The following L3MBTL2 variants were observed in gnomAD, a reference collection of about 807,000 sequenced individuals.
L3MBTL2 encodes the protein lethal(3)malignant brain tumor-like protein 2.
L3MBTL2 carries 49 observed loss-of-function variants against 86.4 expected under a neutral mutation model. The ratio of observed to expected loss-of-function variants is 0.57; its 90% CI spans 0.45 to 0.72. The LOEUF is 0.72. Among genes scored for constraint, L3MBTL2 ranks in the 30% least tolerant of loss-of-function variants. The pLI is 0.00. For missense variants in L3MBTL2, 755 were observed against 923.7 expected, an observed-to-expected ratio of 0.82 and a Z score of 2.37; for synonymous variants, 336 against 350.6, an observed-to-expected ratio of 0.96 and a Z score of 0.47.
At position 41,227,462 on chromosome 22, in the gene L3MBTL2, C is replaced by T; in HGVS notation, c.1822+139C>T. ...GGACCACTTTAAGTAGAGAGTGAGC[C>T]CCGTCACCCAGCCCCTGCTCCTGAC... On this transcript the variant is annotated intron_variant, in intron 14 of 16. Transcript: ENST00000216237. The surrounding 1 kb of genome is among the most constrained non-coding windows in gnomAD (Gnocchi z 6.0). 1 of 1,191,988 alleles carries T rather than the reference C, an allele frequency of 8.4e-7. No individual in the cohort carries two copies. The highest frequency in any genetic ancestry group is 1.2e-6 in the Non-Finnish European group (1 of 823,120). 73.8% of individuals were successfully genotyped at this position (1,191,988 alleles called of 1,614,324 possible).
At chr22:41,213,867 A>G in intron 2 of L3MBTL2, 26 bp from the exon 3 acceptor site, 1 of 1,613,034 alleles carries the variant, frequency 6.2e-7, no homozygotes, top group Non-Finnish European at 8.5e-7. Flanking sequence ...ATATCGGGTG[A>G]GTCATGTGCT....
At chr22:41,208,524 A>G (rs2030435553) in intron 1 of L3MBTL2, 2 of 279,196 alleles carry the variant, frequency 7.2e-6, no homozygotes, top group South Asian at 2.9e-5. Flanking sequence ...TAGATGAGAA[A>G]GTTGAAGCCC....
At chr22:41,219,349 C>T (rs1186113632) in intron 5 of L3MBTL2, 70 bp from the exon 6 acceptor site, 13 of 1,151,812 alleles carry the variant, frequency 1.1e-5, no homozygotes, top group Non-Finnish European at 1.6e-5. Flanking sequence ...TGACTGAGGC[C>T]GTGAGGCAGT....
In L3MBTL2 at chr22:41,225,109, G is replaced by T; in HGVS notation, c.1356+38G>T. On this transcript the variant is annotated intron_variant, in intron 11 of 16. Coordinates refer to ENST00000216237, the MANE Select transcript of L3MBTL2 (RefSeq NM_031488.5). This position sits in a 1 kb window ranked among gnomAD's most constrained non-coding sequence, Gnocchi z 4.1. The stretch of plus-strand genomic sequence containing the variant: ...CCGGCTCTCCAGCCTCCAGATTTCT[G>T]AGCGGGGGGACCCATGTGGCCCAGA... 1 of 1,550,012 alleles carries T rather than the reference G, an allele frequency of 6.5e-7. No homozygotes were observed.
Position 41,227,512 on chromosome 22 carries a change from C to A in L3MBTL2, c.1822+189C>A. 2 of 1,380,472 alleles carry A rather than the reference C, an allele frequency of 1.4e-6. No homozygotes were observed. The highest frequency in any genetic ancestry group is 2.0e-6 in the Non-Finnish European group (2 of 992,718). 85.5% of individuals were successfully genotyped at this position (1,380,472 alleles called of 1,614,324 possible). A position where few individuals can be genotyped will look rare whatever the true frequency, so the allele number is the denominator to read the frequency against. ...CTTCTCTGTCTCCCTTTCCCTCTGG[C>A]CTGCAGAGCTCCTTCCTTCATCTTG... On this transcript the variant is annotated intron_variant, in intron 14 of 16. Coordinates refer to ENST00000216237, the MANE Select transcript of L3MBTL2 (RefSeq NM_031488.5). The surrounding 1 kb of genome is among the most constrained non-coding windows in gnomAD (Gnocchi z 6.0).
At position 41,225,145 on chromosome 22, in the gene L3MBTL2, C is replaced by G. The variant is rs1050477306; in HGVS notation, c.1356+74C>G. On this transcript the variant is annotated intron_variant, in intron 11 of 16. Coordinates refer to ENST00000216237, the MANE Select transcript of L3MBTL2 (RefSeq NM_031488.5). The surrounding 1 kb of genome is among the most constrained non-coding windows in gnomAD (Gnocchi z 4.1). ...CCCATGTGGCCCAGAGCTCTAACCC[C>G]ACTCGCCACCGTCAGGGGGTCTGTG... The G allele has an allele frequency of 3.4e-6, 4 of 1,173,794 alleles. No homozygotes were observed. In the African/African-American group the frequency reaches 6.1e-5, roughly 18 times the overall value. The allele number at this position is 1,173,794 out of a possible 1,614,324, so 72.7% of individuals were successfully genotyped here.
chr22:41,227,191 C>T lies in L3MBTL2; in HGVS notation c.1690C>T (p.Arg564Trp), dbSNP rs1370183015. The T allele has an allele frequency of 3.1e-6, 5 of 1,613,482 alleles. No individual in the cohort carries two copies. Among genetic ancestry groups the T allele is most frequent in the Non-Finnish European group, 4.2e-6 (5 of 1,179,984 alleles). ...GGCCACGGTGAAACGAGTGGTGCAT[C>T]GGCTCCTCAGCATCCACTTTGACGG... The part of the protein sequence containing the change: ...CVATVKRVVH[R>W]LLSIHFDGWD... The change falls in exon 14 of 17, where the codon CGG becomes TGG. Residue 564 changes from arginine to tryptophan, a missense_variant. By Grantham distance (101) the Arg-to-Trp change is moderately radical. Transcript: ENST00000216237. The surrounding 1 kb of genome is among the most constrained non-coding windows in gnomAD (Gnocchi z 6.0).
chr22:41,219,969 C>G (rs975291879), intron 6 of L3MBTL2, among the ~76,000 whole-genome samples: 9 of 152,144 alleles, frequency 5.9e-5, no homozygotes, highest in Non-Finnish European at 1.0e-4. Context: ...GTCTCAAACT[C>G]CTGACCTCAG....
chr22:41,222,367 C>T (rs1238870355), intron 8 of L3MBTL2, among the ~76,000 whole-genome samples: 2 of 152,232 alleles, frequency 1.3e-5, no homozygotes, highest in Non-Finnish European at 2.9e-5. Context: ...GGGTAAAGCC[C>T]AGTCTGGGGC....
chr22:41,221,473 G>A (rs1601523224), intron 8 of L3MBTL2, 186 bp downstream of exon 8: 2 of 602,168 alleles, frequency 3.3e-6, no homozygotes, highest in South Asian at 3.9e-5. Context: ...CTAGCCTGGC[G>A]TCGGCCACTG....
Position 41,217,176 on chromosome 22 carries a change from G to T in L3MBTL2, c.574G>T (p.Ala192Ser). 6.2e-7 allele frequency: 1 copy of T among 1,613,762 alleles called. No homozygotes were observed. Among genetic ancestry groups the T allele is most frequent in the Non-Finnish European group, 8.5e-7 (1 of 1,179,966 alleles). Residue 192 changes from alanine to serine, a missense_variant, in exon 5 of 17, where the codon GCT (alanine) becomes TCT (serine). Physicochemically the swap from Ala to Ser is moderately conservative, Grantham distance 99 (BLOSUM62 1). This residue lies in a region of L3MBTL2 where 634 missense variants were observed against 748.9 expected (regional missense o/e 0.85). Transcript: ENST00000216237. Reference protein sequence around the residue: ...GKFLKDHSYKAAPVSCFKHVP... With the variant: ...GKFLKDHSYKSAPVSCFKHVP... ...GTTCCTGAAGGATCACAGTTACAAG[G>T]CTGCTCCCGTCAGCTGTTTCAAGCA... is the stretch of plus-strand genomic sequence containing the variant.
chr22:41,208,034 G>T (rs528965021), intron 1 of L3MBTL2, among the ~76,000 whole-genome samples: 6 of 151,986 alleles, frequency 3.9e-5, no homozygotes, highest in Non-Finnish European at 7.4e-5. Context: ...ATTTCACCAT[G>T]TTGGCCAGGA....
Position 41,224,846 on chromosome 22 carries a change from A to T in L3MBTL2, c.1251+45A>T, listed in dbSNP as rs765735998. The T allele has an allele frequency of 1.3e-6, 2 of 1,577,088 alleles. No homozygotes were observed. Among genetic ancestry groups the T allele is most frequent in the South Asian group, 2.2e-5 (2 of 90,274 alleles). On this transcript the variant is annotated intron_variant, in intron 10 of 16. Transcript: ENST00000216237. This position sits in a 1 kb window ranked among gnomAD's most constrained non-coding sequence, Gnocchi z 4.9. Reference sequence around the variant, plus strand: ...CGCTTTTCCCCTCAGCCATGGGTCCATTCCGGGCCTGAGGGACCTGGCTCT... The same window carrying T: ...CGCTTTTCCCCTCAGCCATGGGTCCTTTCCGGGCCTGAGGGACCTGGCTCT...
At chr22:41,220,644 C>G in intron 6 of L3MBTL2, 90 bp from the exon 7 acceptor site, 1 of 1,407,446 alleles carries the variant, frequency 7.1e-7, no homozygotes, top group Non-Finnish European at 9.5e-7. Context: ...GGCGACAGAG[C>G]AAGACTTCGT....
At position 41,224,621 on chromosome 22, in the gene L3MBTL2, A is replaced by G. The variant is rs908438707; in HGVS notation, c.1175-104A>G. On this transcript the variant is annotated intron_variant, in intron 9 of 16. Transcript: ENST00000216237. This position sits in a 1 kb window ranked among gnomAD's most constrained non-coding sequence, Gnocchi z 4.9. Reference sequence around the variant, plus strand: ...GAGATACAGAGATACAGCTGAGAACACGTGCAGAGCAGCCCCACATTCCCA... The same window carrying G: ...GAGATACAGAGATACAGCTGAGAACGCGTGCAGAGCAGCCCCACATTCCCA... The G allele has an allele frequency of 2.3e-5, 19 of 814,828 alleles. No homozygotes were observed. The African/African-American group carries it at 2.7e-4, about 12-fold the overall frequency. 50.5% of individuals were successfully genotyped at this position (814,828 alleles called of 1,614,324 possible).
In L3MBTL2 at chr22:41,230,570, G is replaced by A. The variant is rs979886964; in HGVS notation, c.*319G>A. On this transcript the variant is annotated 3_prime_UTR_variant, in exon 17 of 17. Transcript: ENST00000216237. The stretch of plus-strand genomic sequence containing the variant: ...CTCTTCCTTAAGATGGCCTCCCCCC[G>A]ACCCGCCACGGCCCTCAGTTGCCAG... The A allele has an allele frequency of 2.5e-5, 9 of 354,504 alleles. No individual in the cohort carries two copies. The highest frequency in any genetic ancestry group is 2.0e-4 in the East Asian group (3 of 14,888). The allele number at this position is 354,504 out of a possible 1,614,324, so 22.0% of individuals were successfully genotyped here.
rs2030130592 is a variant in L3MBTL2 at position 41,205,477 on chromosome 22, G to A, written c.24+91G>A. ...TCTTTAGGGCTTTTAGCGACGCCTG[G>A]AGGGTGGAGGGTGGGAGGATGGATA... On this transcript the variant is annotated intron_variant, in intron 1 of 16. Coordinates refer to ENST00000216237, the MANE Select transcript of L3MBTL2 (RefSeq NM_031488.5). The A allele has an allele frequency of 2.1e-6, 3 of 1,395,380 alleles. No homozygotes were observed. The East Asian group carries it at 6.8e-5, about 32-fold the overall frequency. The allele number at this position is 1,395,380 out of a possible 1,614,324, so 86.4% of individuals were successfully genotyped here. A position where few individuals can be genotyped will look rare whatever the true frequency, so the allele number is the denominator to read the frequency against.
At position 41,209,870 on chromosome 22, in the gene L3MBTL2, T is replaced by C. The variant is rs2030572364; in HGVS notation, c.199T>C (p.Ser67Pro). The C allele has an allele frequency of 6.2e-7, 1 of 1,614,082 alleles. No individual in the cohort carries two copies. The highest frequency in any genetic ancestry group is 8.5e-7 in the Non-Finnish European group (1 of 1,180,002). The change falls in exon 2 of 17, where the codon TCC (serine) becomes CCC (proline). Residue 67 changes from serine to proline, a missense_variant. By Grantham distance (74) the Ser-to-Pro change is moderately conservative (BLOSUM62 -1). This residue lies in a region of L3MBTL2 where 103 missense variants were observed against 105.2 expected (regional missense o/e 0.98). Transcript: ENST00000216237. The stretch of plus-strand genomic sequence containing the variant: ...TCGGGAAGCAGGGGAACTGCCGACC[T>C]CCCCGCTGCATTTGCTCAGCCCTGG... The part of the protein sequence containing the change: ...EDREAGELPT[S>P]PLHLLSPGTP...
At chr22:41,217,322 A>G in intron 5 of L3MBTL2, 120 bp downstream of exon 5, 1 of 712,368 alleles carries the variant, frequency 1.4e-6, no homozygotes, top group Non-Finnish European at 2.4e-6. Context: ...TGGGCAGGAG[A>G]CGGATGGCGT....
Sources: allele counts gnomAD v4.1 joint callset (sites outside exome capture counted in the v4.1 genomes callset), GRCh38; gene constraint gnomAD v4.1.1; regional missense constraint gnomAD v4.1.1; non-coding constraint Gnocchi (gnomAD v3.1); transcripts MANE v1.5; gene names NCBI Gene and HGNC (gene_info 2026-07-23, HGNC 2026-07-21).